Variants in RIMS2 observed in about 807,000 individuals in gnomAD.
RIMS2 encodes regulating synaptic membrane exocytosis 2, also known as regulating synaptic membrane exocytosis protein 2.
In RIMS2, 59 loss-of-function variants were observed where a neutral mutation model predicts 174.4. The observed-to-expected ratio is 0.34, with a 90% confidence interval of 0.27 to 0.42. RIMS2 has a LOEUF of 0.42. RIMS2 is among the 10% of genes least tolerant of loss of function. RIMS2 has a pLI of 1.00. For missense variants in RIMS2, 1,620 were observed against 1,666.3 expected, an observed-to-expected ratio of 0.97 and a Z score of 0.48; for synonymous variants, 606 against 572.5, an observed-to-expected ratio of 1.06 and a Z score of -0.84.
intron 15 of RIMS2, among the ~76,000 whole-genome samples, chr8:103,961,363 A>C (rs986156560): frequency 2.0e-5 from 3 of 152,100 alleles, no homozygotes; most frequent in African/African-American, 7.2e-5. Flanking sequence ...GATGTCAATA[A>C]ATTTTCTATT....
chr8:104,255,757 G>A (rs945093804), downstream of RIMS2: 2 of 152,212 alleles, frequency 1.3e-5, no homozygotes, highest in African/African-American at 4.8e-5. Flanking sequence ...TGCCCTCAGG[G>A]TTCTGTGGGC....
chr8:103,518,008 C>T (rs1037706507), intron 1 of RIMS2, among the ~76,000 whole-genome samples: 2 of 151,926 alleles, frequency 1.3e-5, no homozygotes, highest in Non-Finnish European at 1.5e-5. Flanking sequence ...CCTTGGCCCG[C>T]GGGTTGGACA....
intron 19 of RIMS2, among the ~76,000 whole-genome samples, chr8:104,143,427 G>A (rs1350313949): frequency 6.6e-6 from 1 of 152,044 alleles, no homozygotes; most frequent in Non-Finnish European, 1.5e-5. Flanking sequence ...TGCAAGAAAC[G>A]GCACTTTAAA....
At chr8:103,936,609 C>A in exon 13 of RIMS2, 1 of 1,606,000 alleles carries the variant, frequency 6.2e-7, no homozygotes, top group Non-Finnish European at 8.5e-7. Flanking sequence ...CAAATGGAAC[C>A]AAACATTCAT....
At chr8:103,812,653 A>G (rs2098696224) in intron 3 of RIMS2, among the ~76,000 whole-genome samples, 1 of 152,164 alleles carries the variant, frequency 6.6e-6, no homozygotes. Flanking sequence ...AAGTGTTGTG[A>G]TAACAGGCAT....
At chr8:104,130,845 G>A (rs1054622743) in intron 19 of RIMS2, among the ~76,000 whole-genome samples, 2 of 152,076 alleles carry the variant, frequency 1.3e-5, no homozygotes, top group Non-Finnish European at 2.9e-5. Flanking sequence ...CGGTATTTAT[G>A]AAAGAGAAAA....
At chr8:104,054,501 T>TA (rs1007593204) in intron 19 of RIMS2, among the ~76,000 whole-genome samples, 1 of 152,062 alleles carries the variant, frequency 6.6e-6, no homozygotes, top group Non-Finnish European at 1.5e-5. Flanking sequence ...TATCACTTTA[T>TA]AAAAAAAATT....
chr8:103,559,297 C>G (rs982965218), intron 1 of RIMS2: 5 of 198,586 alleles, frequency 2.5e-5, no homozygotes, highest in Non-Finnish European at 5.2e-5. Context: ...TTCCCATTAG[C>G]AGGGACATCT....
chr8:104,222,532 A>G (rs911764476), intron 19 of RIMS2, among the ~76,000 whole-genome samples: 7 of 152,202 alleles, frequency 4.6e-5, no homozygotes, highest in Admixed American at 2.0e-4. Context: ...CTAGATTGGG[A>G]AACAGAGGTG....
chr8:104,223,000 A>C (rs1228604455), intron 19 of RIMS2, among the ~76,000 whole-genome samples: 2 of 152,276 alleles, frequency 1.3e-5, no homozygotes, highest in South Asian at 2.1e-4. Context: ...TCATGACTTG[A>C]AGAAAATTTC....
At chr8:104,093,294 T>C (rs1392193188) in intron 19 of RIMS2, among the ~76,000 whole-genome samples, 177 bp from the exon 24 acceptor site, 1 of 152,082 alleles carries the variant, frequency 6.6e-6, no homozygotes, top group Non-Finnish European at 1.5e-5. Flanking sequence ...AAAGGTTTCA[T>C]ATAAATTGAA....
chr8:103,766,195 C>T (rs770980212), intron 2 of RIMS2, 32 bp from the exon 6 acceptor site: 6 of 1,482,472 alleles, frequency 4.0e-6, no homozygotes, highest in Non-Finnish European at 5.5e-6. Flanking sequence ...TTTGGGAACA[C>T]TAATTTTTTC....
Position 103,758,789 on chromosome 8 carries a change from A to G in RIMS2, c.388-7438A>G, listed in dbSNP as rs139637553. ...AAGGTTAAAAGTTTAGATTTATATC[A>G]TGGCATAAAACAACTTACTTACAAA... On this transcript the variant is annotated intron_variant, in intron 2 of 23. Transcript: ENST00000504942. Among the ~76,000 whole-genome samples, 389 of 152,348 alleles carry G rather than the reference A, an allele frequency of 2.6e-3. 2 individuals carry two copies. The highest frequency in any genetic ancestry group is 8.2e-3 in the African/African-American group (339 of 41,588).
chr8:103,589,719 T>C (rs1320467034), intron 1 of RIMS2, among the ~76,000 whole-genome samples: 1 of 151,490 alleles, frequency 6.6e-6, no homozygotes, highest in African/African-American at 2.4e-5. Context: ...GAAATTGTGA[T>C]ATATATGCAA....
intron 20 of RIMS2, among the ~76,000 whole-genome samples, chr8:104,247,120 T>C (rs1259882366): frequency 6.6e-6 from 1 of 152,078 alleles, no homozygotes; most frequent in Non-Finnish European, 1.5e-5. Context: ...GAGGTCAGAT[T>C]CTGAATGTAT....
chr8:103,684,151 A>G (rs1315265548), intron 1 of RIMS2, among the ~76,000 whole-genome samples: 1 of 152,156 alleles, frequency 6.6e-6, no homozygotes, highest in Non-Finnish European at 1.5e-5. Context: ...CAAACATAAA[A>G]TCTATCAGCA....
intron 1 of RIMS2, among the ~76,000 whole-genome samples, chr8:103,562,424 T>C (rs189522001): frequency 6.6e-6 from 1 of 152,298 alleles, no homozygotes; most frequent in African/African-American, 2.4e-5. Context: ...AGGGCAGTCA[T>C]TAAACCTTAA....
At chr8:103,795,329 A>C (rs1351519566) in intron 3 of RIMS2, among the ~76,000 whole-genome samples, 1 of 152,086 alleles carries the variant, frequency 6.6e-6, no homozygotes, top group Non-Finnish European at 1.5e-5. Context: ...AAACTGTCGC[A>C]AGGACAGAAA....
At chr8:104,177,265 C>A (rs1169939607) in intron 19 of RIMS2, among the ~76,000 whole-genome samples, 5 of 152,010 alleles carry the variant, frequency 3.3e-5, no homozygotes, top group Non-Finnish European at 5.9e-5. Context: ...GAAATAAAGA[C>A]AAAAGTTAGT....
Sources: allele counts gnomAD v4.1 joint callset (sites outside exome capture counted in the v4.1 genomes callset), GRCh38; gene constraint gnomAD v4.1.1; transcripts MANE v1.5; gene names NCBI Gene and HGNC (gene_info 2026-07-23, HGNC 2026-07-21).